Variants in ITGAE observed in about 807,000 individuals in gnomAD.
The protein encoded by ITGAE is integrin subunit alpha E.
A neutral mutation model predicts 136.5 loss-of-function variants in ITGAE; 99 were observed. The ratio of observed to expected loss-of-function variants is 0.73; its 90% CI spans 0.62 to 0.86. The LOEUF is 0.86. Among genes scored for constraint, ITGAE ranks in the 40% least tolerant of loss-of-function variants. The pLI is 0.00. For missense variants in ITGAE, 1,447 were observed against 1,515.3 expected, an observed-to-expected ratio of 0.95 and a Z score of 0.75; for synonymous variants, 613 against 591.8, an observed-to-expected ratio of 1.04 and a Z score of -0.52.
At chr17:3,735,787 C>T (rs535400332) in intron 20 of ITGAE, among the ~76,000 whole-genome samples, 9 of 152,290 alleles carry the variant, frequency 5.9e-5, no homozygotes, top group African/African-American at 1.9e-4. Context: ...CCAAGGACTG[C>T]GTCTCACACG....
At position 3,750,401 on chromosome 17, in the gene ITGAE, C is replaced by G. The variant is rs753204904; in HGVS notation, c.1975G>C (p.Gly659Arg). ...MAGGFDISGD[G>R]LADITVGTLG... ...GTGCCCACGGTGATGTCGGCAAGGCCGTCGCCACTAATATCAAAGCCACCA... is the reference window on the plus strand; with the variant it reads ...GTGCCCACGGTGATGTCGGCAAGGCGGTCGCCACTAATATCAAAGCCACCA... Residue 659 changes from glycine to arginine, a missense_variant, in exon 16 of 31, where the codon GGC (glycine) becomes CGC (arginine). Gly to Arg is a moderately radical substitution (Grantham distance 125, BLOSUM62 -2). Coordinates refer to ENST00000263087, the MANE Select transcript of ITGAE (RefSeq NM_002208.5). The G allele has an allele frequency of 4.3e-6, 7 of 1,614,168 alleles. No homozygotes were observed. In the Admixed American group the frequency reaches 6.7e-5, roughly 15 times the overall value.
chr17:3,756,526 T>A (rs2052031364), intron 10 of ITGAE, among the ~76,000 whole-genome samples: 1 of 150,886 alleles, frequency 6.6e-6, no homozygotes. Flanking sequence ...CTCGGGCTCC[T>A]GAGTAGCTGG....
chr17:3,724,893 A>G (rs2051170008), intron 26 of ITGAE: 1 of 1,613,558 alleles, frequency 6.2e-7, no homozygotes, highest in East Asian at 2.2e-5. Flanking sequence ...CAGTGTTCCC[A>G]AGGGCCGCAT....
intron 17 of ITGAE, among the ~76,000 whole-genome samples, chr17:3,746,384 C>T (rs2051714342): frequency 1.3e-5 from 2 of 152,266 alleles, no homozygotes; most frequent in Admixed American, 1.3e-4. Context: ...AGACACTTGC[C>T]CAGCATCGCA....
Position 3,777,986 on chromosome 17 carries a change from C to T in ITGAE, c.35-326G>A, listed in dbSNP as rs866528966. On this transcript the variant is annotated intron_variant, in intron 1 of 30. Transcript: ENST00000263087. The stretch of plus-strand genomic sequence containing the variant: ...CACACAGCGTGTACTCACGTCACTG[C>T]GTCTTGTACTGAAGTTACAGTAGAC... Among the ~76,000 whole-genome samples, 9 of 152,240 alleles carry T rather than the reference C, an allele frequency of 5.9e-5. No individual in the cohort carries two copies. In the Middle Eastern group the frequency reaches 0.014, roughly 230 times the overall value.
intron 24 of ITGAE, 35 bp downstream of exon 24, chr17:3,729,442 GA>G (rs749375633): frequency 7.4e-7 from 1 of 1,347,752 alleles, no homozygotes; most frequent in Non-Finnish European, 1.1e-6. Context: ...CTGGGCGATG[GA>G]GTCACACCGC....
At chr17:3,782,243 C>A (rs545809298) in intron 1 of ITGAE, among the ~76,000 whole-genome samples, 8 of 136,302 alleles carry the variant, frequency 5.9e-5, no homozygotes, top group African/African-American at 8.4e-5. Context: ...CCATTGCACT[C>A]CAGCCCGGGT....
rs369799915 is a variant in ITGAE, at chr17:3,723,760, T to C, written c.3085-16A>G. ...CCGTGGAGGCCTGAAACGAGAGCCA[T>C]GACCGCGACGCGCTGAACAAACCAA... On this transcript the variant is annotated splice_polypyrimidine_tract_variant and intron_variant, in intron 26 of 30. Transcript: ENST00000263087. The C allele has an allele frequency of 2.5e-6, 4 of 1,606,290 alleles. No individual in the cohort carries two copies. Among genetic ancestry groups the C allele is most frequent in the Non-Finnish European group, 3.4e-6 (4 of 1,176,802 alleles).
At chr17:3,796,760 A>C (rs2053114873) in intron 1 of ITGAE, among the ~76,000 whole-genome samples, 1 of 151,740 alleles carries the variant, frequency 6.6e-6, no homozygotes, top group African/African-American at 2.4e-5. Flanking sequence ...TCTCCCCTCA[A>C]CCCTCTGTCT....
At chr17:3,757,922 A>T (rs1450451909) in intron 8 of ITGAE, 63 bp from the exon 9 acceptor site, 1 of 1,571,526 alleles carries the variant, frequency 6.4e-7, no homozygotes, top group Non-Finnish European at 8.7e-7. Context: ...GCTCCAGGAG[A>T]GACTTTATTC....
chr17:3,759,316 C>G, intron 8 of ITGAE, 86 bp downstream of exon 8: 1 of 1,468,544 alleles, frequency 6.8e-7, no homozygotes, highest in Non-Finnish European at 9.4e-7. Context: ...TCTTCTCCTG[C>G]GGTTCTGGCC....
chr17:3,789,564 A>G (rs1206418565), intron 1 of ITGAE, among the ~76,000 whole-genome samples: 1 of 148,554 alleles, frequency 6.7e-6, no homozygotes, highest in African/African-American at 2.5e-5. Flanking sequence ...GCAGTGGTGC[A>G]ATCTCGGCTC....
At chr17:3,752,097 G>A (rs2051886806) in intron 14 of ITGAE, among the ~76,000 whole-genome samples, 1 of 152,082 alleles carries the variant, frequency 6.6e-6, no homozygotes, top group Admixed American at 6.6e-5. Flanking sequence ...ACGCTCGCTG[G>A]GCTGGTGGGT....
intron 2 of ITGAE, among the ~76,000 whole-genome samples, chr17:3,764,389 G>A (rs1374159166): frequency 6.6e-6 from 1 of 152,170 alleles, no homozygotes; most frequent in East Asian, 1.9e-4. Context: ...CCTATCCTGT[G>A]GGTCAGTCAG....
intron 26 of ITGAE, chr17:3,725,739 G>A (rs1333856716): frequency 1.3e-6 from 2 of 1,582,292 alleles, no homozygotes. Flanking sequence ...GCTCTTCATT[G>A]TGCTGGAATT....
At position 3,778,327 on chromosome 17, in the gene ITGAE, CCGAGG is replaced by C. The variant is rs2052591224; in HGVS notation, c.35-672_35-668del. Among the ~76,000 whole-genome samples the C allele has an allele frequency of 2.6e-5, 4 of 152,176 alleles. No homozygotes were observed. The South Asian group carries it at 8.3e-4, about 32-fold the overall frequency. ...CCTGTAATCCCAGCACTTTGGGAGG[CCGAGG>C]CGGCTGGATCACTTGAGGTCAGGAG... On this transcript the variant is annotated intron_variant, in intron 1 of 30. Transcript: ENST00000263087.
chr17:3,728,693 G>T (rs1244986857), intron 24 of ITGAE, among the ~76,000 whole-genome samples: 1 of 150,436 alleles, frequency 6.6e-6, no homozygotes, highest in Non-Finnish European at 1.5e-5. Flanking sequence ...GAATGAACTC[G>T]ACTGCTTTCA....
chr17:3,801,060 C>G (rs746867339), intron 1 of ITGAE, 51 bp downstream of exon 1: 1 of 1,604,436 alleles, frequency 6.2e-7, no homozygotes, highest in East Asian at 2.2e-5. Context: ...AGACACCTGG[C>G]TGGAGCTGAG....
rs1476964345 is a variant in ITGAE, at chr17:3,720,400, T to C, written c.3240A>G (p.Leu1080=). ...TCTGCAGTTCAGTTACATCTTTTAGTAACTAGAAGATGGGGAAAGGAATGA... is the reference window on the plus strand; with the variant it reads ...TCTGCAGTTCAGTTACATCTTTTAGCAACTAGAAGATGGGGAAAGGAATGA... ...AEISWDHSEE[L]LKDVTELQIL... Residue 1080 remains leucine, a splice_region_variant and synonymous_variant, in exon 29 of 31, where the codon TTA becomes TTG. Transcript: ENST00000263087. 1 of 1,422,788 alleles carries C rather than the reference T, an allele frequency of 7.0e-7. No individual in the cohort carries two copies. The highest frequency in any genetic ancestry group is 9.9e-7 in the Non-Finnish European group (1 of 1,005,752). The allele number at this position is 1,422,788 out of a possible 1,614,324, so 88.1% of individuals were successfully genotyped here.
Sources: gnomAD v4.1 joint callset for allele counts (sites outside exome capture counted in the v4.1 genomes callset) on GRCh38, gnomAD v4.1.1 for gene constraint, MANE v1.5 for transcripts, NCBI Gene and HGNC (gene_info 2026-07-23, HGNC 2026-07-21) for gene names.